CCDC91: variants seen among roughly 807,000 people sequenced by gnomAD.
The protein encoded by CCDC91 is coiled-coil domain containing 91, also known as coiled-coil domain-containing protein 91.
In CCDC91, 48 loss-of-function variants were observed where a neutral mutation model predicts 63.2. That is an observed-to-expected ratio of 0.76 (90% CI 0.60 to 0.97). The LOEUF (loss-of-function observed/expected upper bound fraction) is 0.97. CCDC91 is among the 50% of genes least tolerant of loss of function. CCDC91 has a pLI of 0.00. For synonymous variants in CCDC91, 167 were observed against 165.8 expected (o/e 1.01, Z -0.06); for missense variants, 500 against 494.6 (o/e 1.01, Z -0.10).
intron 7 of CCDC91, among the ~76,000 whole-genome samples, chr12:28,370,183 C>A (rs1944526406): frequency 6.6e-6 from 1 of 152,156 alleles, no homozygotes; most frequent in Admixed American, 6.5e-5. Context: ...ATTCTGCTTC[C>A]CTTTTAAAAA....
chr12:28,293,307 T>C (rs557695209), intron 3 of CCDC91, among the ~76,000 whole-genome samples: 6 of 152,190 alleles, frequency 3.9e-5, no homozygotes, highest in Non-Finnish European at 8.8e-5. Context: ...ATATTGAAGG[T>C]TCAAAGAAAG....
intron 11 of CCDC91, among the ~76,000 whole-genome samples, chr12:28,470,132 C>A (rs909855118): frequency 7.9e-5 from 12 of 151,994 alleles, no homozygotes; most frequent in Admixed American, 2.0e-4. Context: ...AAACAATCAA[C>A]AAAATGAAGA....
At chr12:28,300,424 A>G (rs1040716822) in intron 3 of CCDC91, among the ~76,000 whole-genome samples, 14 of 151,438 alleles carry the variant, frequency 9.2e-5, no homozygotes, top group African/African-American at 3.4e-4. Flanking sequence ...TGTTCTTCTG[A>G]TCTGTTAATT....
chr12:28,353,428 C>T (rs949311115), intron 6 of CCDC91, among the ~76,000 whole-genome samples: 1 of 152,236 alleles, frequency 6.6e-6, no homozygotes, highest in South Asian at 2.1e-4. Context: ...ACCTGAGAGC[C>T]CTTGGTTTTG....
At chr12:28,454,147 T>C (rs1949950327) in intron 11 of CCDC91, among the ~76,000 whole-genome samples, 1 of 152,184 alleles carries the variant, frequency 6.6e-6, no homozygotes, top group African/African-American at 2.4e-5. Context: ...AGTTAAATTA[T>C]ATATCTCTGT....
chr12:28,509,783 C>T (rs186986874), intron 12 of CCDC91, among the ~76,000 whole-genome samples: 4 of 151,956 alleles, frequency 2.6e-5, no homozygotes, highest in Admixed American at 2.6e-4. Context: ...AAGAAGGAAA[C>T]ATAAAATTTC....
chr12:28,233,536 A>G (rs1944744563), intron 1 of CCDC91, among the ~76,000 whole-genome samples: 1 of 152,298 alleles, frequency 6.6e-6, no homozygotes, highest in African/African-American at 2.4e-5. Context: ...AATACCTACA[A>G]TATCCTTTTT....
chr12:28,282,956 A>G (rs960056076), intron 3 of CCDC91, among the ~76,000 whole-genome samples: 2 of 151,958 alleles, frequency 1.3e-5, no homozygotes, highest in Admixed American at 6.6e-5. Flanking sequence ...TATTTATTTA[A>G]TAGTATGGTG....
intron 3 of CCDC91, among the ~76,000 whole-genome samples, chr12:28,295,647 G>A (rs1449537909): frequency 6.6e-6 from 1 of 152,002 alleles, no homozygotes; most frequent in Admixed American, 6.6e-5. Flanking sequence ...CTCTACGATT[G>A]TATTTTGAAT....
rs546895331 is a variant in CCDC91, at chr12:28,253,603, C to T, written c.-14-3599C>T. 7.2e-5 allele frequency among the ~76,000 whole-genome samples: 11 copies of T among 152,288 alleles called. No homozygotes were observed. The South Asian group carries it at 2.3e-3, about 32-fold the overall frequency. On this transcript the variant is annotated intron_variant, in intron 1 of 12. Coordinates refer to ENST00000536442, the MANE Select transcript of CCDC91 (RefSeq NM_018318.5). The stretch of plus-strand genomic sequence containing the variant: ...CTTATGTATTCATAAGTGTGATTCT[C>T]ATTTTTCCAGTGACTCATTTTCCTT...
At position 28,333,352 on chromosome 12, in the gene CCDC91, G is replaced by A. The variant is rs537920839; in HGVS notation, c.576+25603G>A. Among the ~76,000 whole-genome samples, 28 of 146,050 alleles carry A rather than the reference G, an allele frequency of 1.9e-4. No homozygotes were observed. In the East Asian group the frequency reaches 2.0e-3, roughly 11 times the overall value. On this transcript the variant is annotated intron_variant, in intron 6 of 12. Transcript: ENST00000536442. ...GGAGCTTGCAGTTAGCCGAGATTGC[G>A]CCATTGCACTCCAGCCTGGGTGACA...
At chr12:28,503,957 G>T (rs1308325654) in intron 12 of CCDC91, among the ~76,000 whole-genome samples, 1 of 151,758 alleles carries the variant, frequency 6.6e-6, no homozygotes, top group Admixed American at 6.6e-5. Context: ...AGGGGGGAGG[G>T]ATAGCATTCG....
chr12:28,388,424 A>G (rs1049176283), intron 7 of CCDC91, among the ~76,000 whole-genome samples: 2 of 152,198 alleles, frequency 1.3e-5, no homozygotes, highest in South Asian at 2.1e-4. Flanking sequence ...TCAGGATTCA[A>G]AGTTAATGTA....
chr12:28,284,875 G>A lies in CCDC91; in HGVS notation c.110-20774G>A, dbSNP rs180943879. 5.9e-5 allele frequency among the ~76,000 whole-genome samples: 9 copies of A among 152,180 alleles called. 1 individual carries two copies. In the South Asian group the frequency reaches 6.2e-4, roughly 11 times the overall value. Reference sequence around the variant, plus strand: ...GTTGGACTACCACCTGTGAAATAGCGTATATTAACTGTCTCTTCCTACAAA... The same window carrying A: ...GTTGGACTACCACCTGTGAAATAGCATATATTAACTGTCTCTTCCTACAAA... On this transcript the variant is annotated intron_variant, in intron 3 of 12. Transcript: ENST00000536442.
intron 1 of CCDC91, among the ~76,000 whole-genome samples, chr12:28,194,946 G>A (rs1273959348): frequency 5.9e-5 from 9 of 152,208 alleles, no homozygotes; most frequent in African/African-American, 2.4e-5. Flanking sequence ...CATAAAGATA[G>A]TGCGGACCCA....
chr12:28,366,275 C>A (rs1344233802), intron 7 of CCDC91, among the ~76,000 whole-genome samples: 1 of 152,120 alleles, frequency 6.6e-6, no homozygotes, highest in South Asian at 2.1e-4. Flanking sequence ...GTAGTGGGTT[C>A]CCCGGATTTT....
At chr12:28,252,005 G>A (rs773597507) in intron 1 of CCDC91, among the ~76,000 whole-genome samples, 1 of 152,070 alleles carries the variant, frequency 6.6e-6, no homozygotes, top group African/African-American at 2.4e-5. Context: ...AGACTTTACA[G>A]GTGTGAACAT....
intron 3 of CCDC91, among the ~76,000 whole-genome samples, chr12:28,283,740 G>A (rs1948743202): frequency 6.6e-6 from 1 of 152,126 alleles, no homozygotes; most frequent in African/African-American, 2.4e-5. Context: ...TAGCCTGAAT[G>A]TAATTTTATA....
chr12:28,267,110 G>C, intron 3 of CCDC91, among the ~76,000 whole-genome samples: 1 of 151,780 alleles, frequency 6.6e-6, no homozygotes, highest in Non-Finnish European at 1.5e-5. Context: ...GGGAAATAAT[G>C]CAAAAGATAT....
Sources: gnomAD v4.1 joint callset for allele counts (sites outside exome capture counted in the v4.1 genomes callset) on GRCh38, gnomAD v4.1.1 for gene constraint, MANE v1.5 for transcripts, NCBI Gene and HGNC (gene_info 2026-07-23, HGNC 2026-07-21) for gene names.